The following MAGI2 variants were observed in gnomAD, a reference collection of about 807,000 sequenced individuals.
The protein encoded by MAGI2 is membrane-associated guanylate kinase, WW and PDZ domain-containing protein 2.
A neutral mutation model predicts 133.3 loss-of-function variants in MAGI2; 35 were observed. The ratio of observed to expected loss-of-function variants is 0.26; its 90% confidence interval spans 0.20 to 0.35. The LOEUF is 0.35. Among genes scored for constraint, MAGI2 ranks in the 10% least tolerant of loss-of-function variants. The pLI, the probability that MAGI2 is intolerant of heterozygous loss-of-function variation, is 1.00. For synonymous variants in MAGI2, 729 were observed against 710.6 expected, an observed-to-expected ratio of 1.03 and a Z score of -0.41; for missense variants, 1,636 against 1,863.4, an observed-to-expected ratio of 0.88 and a Z score of 2.25.
At chr7:78,242,330 G>T (rs1441359549) in intron 10 of MAGI2, among the ~76,000 whole-genome samples, 2 of 152,224 alleles carry the variant, frequency 1.3e-5, no homozygotes, top group Admixed American at 1.3e-4. Flanking sequence ...AGAAAGCCTG[G>T]TTCCCTGAGC....
rs111629262 is a variant in MAGI2 at position 78,365,704 on chromosome 7, A to G, written c.1103+3452T>C. 3.2e-4 allele frequency among the ~76,000 whole-genome samples: 49 copies of G among 152,270 alleles called. No individual in the cohort carries two copies. In the South Asian group the frequency reaches 6.2e-3, roughly 19 times the overall value. On this transcript the variant is annotated intron_variant, in intron 7 of 21. Coordinates refer to ENST00000354212, the MANE Select transcript of MAGI2 (RefSeq NM_012301.4). ...GGTTCTTGAATATATTAAACCTACAATCTTAAAATTGAATTTGCAGGGGAT... is the reference window on the plus strand; with the variant it reads ...GGTTCTTGAATATATTAAACCTACAGTCTTAAAATTGAATTTGCAGGGGAT...
At chr7:78,937,163 G>A (rs962330386) in intron 2 of MAGI2, among the ~76,000 whole-genome samples, 2 of 151,940 alleles carry the variant, frequency 1.3e-5, no homozygotes, top group African/African-American at 4.8e-5. Context: ...TCATGTTCAA[G>A]GGGTACAGAA....
At chr7:78,027,087 G>A (rs1321793101) in intron 21 of MAGI2, among the ~76,000 whole-genome samples, 2 of 152,286 alleles carry the variant, frequency 1.3e-5, no homozygotes, top group African/African-American at 4.8e-5. Context: ...AATGGCTTTC[G>A]GAATTGGGTA....
intron 1 of MAGI2, among the ~76,000 whole-genome samples, chr7:79,323,937 A>G (rs1299407511): frequency 6.6e-6 from 1 of 152,144 alleles, no homozygotes; most frequent in African/African-American, 2.4e-5. Flanking sequence ...AGTTTTAAAC[A>G]CAAGAATGGG....
chr7:79,040,348 A>G (rs1449376918), intron 1 of MAGI2, among the ~76,000 whole-genome samples: 1 of 151,970 alleles, frequency 6.6e-6, no homozygotes, highest in Non-Finnish European at 1.5e-5. Flanking sequence ...TCATAATTGT[A>G]TAAATTACCC....
intron 3 of MAGI2, among the ~76,000 whole-genome samples, chr7:78,535,633 G>T (rs551718917): frequency 6.6e-6 from 1 of 151,838 alleles, no homozygotes; most frequent in Non-Finnish European, 1.5e-5. Context: ...AACTTTGGGA[G>T]GAACTTACAG....
intron 2 of MAGI2, among the ~76,000 whole-genome samples, chr7:79,005,952 G>C (rs909947217): frequency 6.6e-6 from 1 of 152,056 alleles, no homozygotes; most frequent in African/African-American, 2.4e-5. Flanking sequence ...TTCTCATTTA[G>C]GAAGATTTGA....
At chr7:78,380,327 G>T (rs186282505) in intron 6 of MAGI2, among the ~76,000 whole-genome samples, 55 of 152,150 alleles carry the variant, frequency 3.6e-4, no homozygotes, top group African/African-American at 1.2e-3. Context: ...AAATAGCCAA[G>T]ATTTGGAAAC....
At chr7:79,185,441 T>C (rs2129550649) in intron 1 of MAGI2, among the ~76,000 whole-genome samples, 1 of 151,992 alleles carries the variant, frequency 6.6e-6, no homozygotes, top group Non-Finnish European at 1.5e-5. Flanking sequence ...TTGCCAAATT[T>C]GTTCCATCTA....
chr7:78,946,156 A>G (rs1801400604), intron 2 of MAGI2, among the ~76,000 whole-genome samples: 1 of 152,202 alleles, frequency 6.6e-6, no homozygotes, highest in African/African-American at 2.4e-5. Flanking sequence ...AAGCTGTTTA[A>G]TATAATTGTT....
intron 2 of MAGI2, among the ~76,000 whole-genome samples, chr7:78,995,893 G>A (rs1182038049): frequency 6.6e-6 from 1 of 152,112 alleles, no homozygotes; most frequent in East Asian, 1.9e-4. Flanking sequence ...CCTGGTATCA[G>A]TCTGGTTAAA....
chr7:79,201,996 A>C (rs1828654324), intron 1 of MAGI2, among the ~76,000 whole-genome samples: 1 of 151,958 alleles, frequency 6.6e-6, no homozygotes, highest in Admixed American at 6.6e-5. Context: ...ATGATTAAAG[A>C]CATTAGTTGA....
In MAGI2 at chr7:79,292,132, CAG is replaced by C; in HGVS notation, c.301+160886_301+160887del. Among the ~76,000 whole-genome samples, 2 of 152,052 alleles carry C rather than the reference CAG, an allele frequency of 1.3e-5. 1 individual carries two copies. The highest frequency in any genetic ancestry group is 3.8e-4 in the East Asian group (2 of 5,196). ...CTTCATTTTTTTACATGTGGAAATC[CAG>C]TTATTTCAGTACCATTTTTTGAAAA... is the stretch of plus-strand genomic sequence containing the variant. On this transcript the variant is annotated intron_variant, in intron 1 of 21. Transcript: ENST00000354212.
At chr7:78,301,324 A>T (rs1028568727) in intron 9 of MAGI2, among the ~76,000 whole-genome samples, 1 of 152,218 alleles carries the variant, frequency 6.6e-6, no homozygotes, top group African/African-American at 2.4e-5. Flanking sequence ...TTTCAGAAAA[A>T]AAACCCTTCC....
intron 1 of MAGI2, among the ~76,000 whole-genome samples, chr7:79,078,561 T>G (rs1815753976): frequency 6.6e-6 from 1 of 152,170 alleles, no homozygotes; most frequent in Non-Finnish European, 1.5e-5. Flanking sequence ...TCACAATACT[T>G]TCTCTAGGTT....
At chr7:79,251,824 G>T (rs1833296929) in intron 1 of MAGI2, among the ~76,000 whole-genome samples, 1 of 151,966 alleles carries the variant, frequency 6.6e-6, no homozygotes, top group Admixed American at 6.6e-5. Flanking sequence ...GCCAAGATTT[G>T]TAAGCGATCT....
chr7:78,862,925 A>G (rs964365733), intron 2 of MAGI2, among the ~76,000 whole-genome samples: 9 of 152,228 alleles, frequency 5.9e-5, no homozygotes, highest in African/African-American at 1.9e-4. Flanking sequence ...GTTAGACAAG[A>G]CATTTTAAAA....
intron 6 of MAGI2, among the ~76,000 whole-genome samples, chr7:78,389,820 T>C (rs1170890120): frequency 6.6e-6 from 1 of 152,150 alleles, no homozygotes; most frequent in Non-Finnish European, 1.5e-5. Flanking sequence ...AACACAGACG[T>C]CAGAAAAGCA....
chr7:78,359,645 A>G (rs1792569066), intron 7 of MAGI2, among the ~76,000 whole-genome samples: 1 of 152,224 alleles, frequency 6.6e-6, no homozygotes. Flanking sequence ...TAACACTCAC[A>G]TGATGGGATT....
Sources: gnomAD v4.1 joint callset for allele counts (sites outside exome capture counted in the v4.1 genomes callset) on GRCh38, gnomAD v4.1.1 for gene constraint, MANE v1.5 for transcripts, NCBI Gene and HGNC (gene_info 2026-07-23, HGNC 2026-07-21) for gene names.